CSMD1: variants seen among roughly 807,000 people sequenced by gnomAD.
The protein encoded by CSMD1 is CUB and Sushi multiple domains 1.
A neutral mutation model predicts 417.5 loss-of-function variants in CSMD1; 213 were observed. The observed-to-expected ratio is 0.51, with a 90% CI of 0.46 to 0.57. The LOEUF (loss-of-function observed/expected upper bound fraction) is 0.57. Among genes scored for constraint, CSMD1 ranks in the 20% least tolerant of loss-of-function variants. The probability of loss-of-function intolerance (pLI) is 0.00; values close to 1 mark genes in which losing one functional copy is unlikely to be tolerated. For synonymous variants in CSMD1, 2,862 were observed against 1,736.8 expected, an observed-to-expected ratio of 1.65 and a Z score of -16.11; for missense variants, 6,923 against 4,529.7, an observed-to-expected ratio of 1.53 and a Z score of -15.17.
chr8:3,966,725 A>G (rs1174236779), intron 5 of CSMD1, among the ~76,000 whole-genome samples: 1 of 104,736 alleles, frequency 9.5e-6, no homozygotes, highest in Non-Finnish European at 1.9e-5. Flanking sequence ...AGGCATTCAC[A>G]CACACAGACA....
Position 3,749,542 on chromosome 8 carries a change from A to G in CSMD1, c.931+4388T>C, listed in dbSNP as rs138509838. On this transcript the variant is annotated intron_variant, in intron 6 of 69. Coordinates refer to ENST00000635120, the MANE Select transcript of CSMD1 (RefSeq NM_033225.6). ...AGTTAAAAATGTAAGGGAAGAGTAG[A>G]AAGAATATTTTATGTTGGTTGTCAT... 6.7e-3 allele frequency among the ~76,000 whole-genome samples: 1,023 copies of G among 152,322 alleles called. 8 individuals carry two copies. Among genetic ancestry groups the G allele is most frequent in the African/African-American group, 0.023 (969 of 41,562 alleles).
chr8:4,838,047 G>C (rs923340291), intron 1 of CSMD1, among the ~76,000 whole-genome samples: 4 of 152,324 alleles, frequency 2.6e-5, no homozygotes, highest in African/African-American at 9.6e-5. Flanking sequence ...AAGGCAGTGT[G>C]AATGGGTGAC....
chr8:3,269,572 A>T (rs13265565), intron 26 of CSMD1, among the ~76,000 whole-genome samples: 33,452 of 152,036 alleles, frequency 0.22, 3,850 homozygotes, highest in South Asian at 0.31. Context: ...ACCACTATTT[A>T]CGGAGAAATC....
At chr8:4,045,117 C>T (rs972007172) in intron 3 of CSMD1, among the ~76,000 whole-genome samples, 12 of 152,254 alleles carry the variant, frequency 7.9e-5, no homozygotes, top group Non-Finnish European at 1.8e-4. Flanking sequence ...CTGAACATGG[C>T]AGTCACCACC....
At chr8:3,669,111 A>G (rs1188860292) in intron 7 of CSMD1, among the ~76,000 whole-genome samples, 1 of 152,204 alleles carries the variant, frequency 6.6e-6, no homozygotes, top group South Asian at 2.1e-4. Context: ...ACGTACAGAA[A>G]AATTAGTTAA....
rs117242946 is a variant in CSMD1, at chr8:4,465,431, C to T, written c.303-45366G>A. On this transcript the variant is annotated intron_variant, in intron 2 of 69. Transcript: ENST00000635120. The stretch of plus-strand genomic sequence containing the variant: ...TGCTGAAGGAGCCTTGTACGTTCAC[C>T]ATTGACACCATCCTGCCTTGCCATA... Among the ~76,000 whole-genome samples the T allele has an allele frequency of 6.6e-4, 100 of 152,186 alleles. 1 individual carries two copies. The highest frequency in any genetic ancestry group is 1.3e-3 in the Non-Finnish European group (85 of 67,992).
chr8:4,955,245 T>G (rs13269761), intron 1 of CSMD1, among the ~76,000 whole-genome samples: 3 of 152,186 alleles, frequency 2.0e-5, no homozygotes, highest in African/African-American at 7.2e-5. Context: ...CAATGCATCT[T>G]TGAAACACAG....
At chr8:3,424,115 T>C (rs2116989650) in intron 12 of CSMD1, among the ~76,000 whole-genome samples, 1 of 152,304 alleles carries the variant, frequency 6.6e-6, no homozygotes, top group Admixed American at 6.5e-5. Flanking sequence ...GAACACAAAT[T>C]TATCAGTATA....
intron 2 of CSMD1, among the ~76,000 whole-genome samples, chr8:4,528,445 T>C (rs1468592458): frequency 2.6e-5 from 4 of 152,190 alleles, no homozygotes; most frequent in South Asian, 2.1e-4. Flanking sequence ...CTACCACAGA[T>C]ATGAAAATAC....
At chr8:3,723,380 C>T (rs970794665) in intron 6 of CSMD1, among the ~76,000 whole-genome samples, 2 of 152,134 alleles carry the variant, frequency 1.3e-5, no homozygotes, top group African/African-American at 4.8e-5. Context: ...GTCAATTGAG[C>T]CATAAGCTAA....
chr8:4,423,425 T>A (rs976007147), intron 2 of CSMD1, among the ~76,000 whole-genome samples: 1 of 152,020 alleles, frequency 6.6e-6, no homozygotes, highest in Non-Finnish European at 1.5e-5. Context: ...AATGAACACG[T>A]TGACATCAAA....
chr8:3,006,633 T>G (rs138318308), intron 52 of CSMD1, among the ~76,000 whole-genome samples: 15,678 of 148,392 alleles, frequency 0.11, 1,994 homozygotes, highest in African/African-American at 0.34. Flanking sequence ...TCTACAACTA[T>G]CTGATCTTTG....
intron 5 of CSMD1, among the ~76,000 whole-genome samples, chr8:3,880,300 A>G (rs1806123844): frequency 2.0e-5 from 3 of 152,172 alleles, no homozygotes. Flanking sequence ...ATATTAGATT[A>G]CATTTTTCAA....
In CSMD1 at chr8:4,610,580, C is replaced by T. The variant is rs530310836; in HGVS notation, c.302+26762G>A. 1.0e-3 allele frequency among the ~76,000 whole-genome samples: 153 copies of T among 152,222 alleles called. 1 individual carries two copies. Among genetic ancestry groups the T allele is most frequent in the Non-Finnish European group, 1.7e-3 (113 of 68,000 alleles). ...CCGTTTTGTCATACATATCCTTCCT[C>T]CCTGCTTTGGTAAATATCTGATGGC... On this transcript the variant is annotated intron_variant, in intron 2 of 69. Coordinates refer to ENST00000635120, the MANE Select transcript of CSMD1 (RefSeq NM_033225.6).
At chr8:4,835,900 T>C (rs749757938) in intron 1 of CSMD1, among the ~76,000 whole-genome samples, 6 of 152,062 alleles carry the variant, frequency 3.9e-5, no homozygotes, top group African/African-American at 7.2e-5. Flanking sequence ...TTTTCTCTTT[T>C]TGGAAATGTA....
At chr8:4,787,821 G>A (rs1797487452) in intron 1 of CSMD1, 10 of 1,573,672 alleles carry the variant, frequency 6.4e-6, no homozygotes, top group Non-Finnish European at 7.0e-6. Context: ...ATGCTACACA[G>A]GCTATATTTG....
chr8:3,358,908 G>C (rs1216883602), intron 21 of CSMD1, among the ~76,000 whole-genome samples: 1 of 151,514 alleles, frequency 6.6e-6, no homozygotes, highest in Non-Finnish European at 1.5e-5. Context: ...CACATGCTTT[G>C]GTTTCACTCT....
chr8:3,597,258 C>T (rs1336857722), intron 8 of CSMD1, among the ~76,000 whole-genome samples: 12 of 152,142 alleles, frequency 7.9e-5, no homozygotes, highest in Non-Finnish European at 1.3e-4. Context: ...TGTCTAGAGG[C>T]ACCGGTGAGA....
chr8:3,843,083 G>A (rs920346679), intron 5 of CSMD1, among the ~76,000 whole-genome samples: 5 of 151,990 alleles, frequency 3.3e-5, no homozygotes, highest in South Asian at 4.2e-4. Context: ...TTTCAGTATC[G>A]TTTTCTCTTT....
Sources: allele counts gnomAD v4.1 joint callset (sites outside exome capture counted in the v4.1 genomes callset), GRCh38; gene constraint gnomAD v4.1.1; transcripts MANE v1.5; gene names NCBI Gene and HGNC (gene_info 2026-07-23, HGNC 2026-07-21).